Variants in GALNTL6 observed in about 807,000 individuals in gnomAD.
GALNTL6 encodes the protein polypeptide N-acetylgalactosaminyltransferase like 6, also known as polypeptide N-acetylgalactosaminyltransferase-like 6.
GALNTL6 carries 46 observed loss-of-function variants against 73.7 expected under a neutral mutation model. That is an observed-to-expected ratio of 0.62 (90% CI 0.49 to 0.80). The LOEUF (loss-of-function observed/expected upper bound fraction) is 0.80, where lower values mean the gene tolerates loss of function less well. Ranked by LOEUF, GALNTL6 falls within the 30% of genes least tolerant of loss-of-function variation. GALNTL6 has a pLI of 0.00. For missense variants in GALNTL6, 604 were observed against 755.0 expected, an observed-to-expected ratio of 0.80 and a Z score of 2.34; for synonymous variants, 259 against 263.7, an observed-to-expected ratio of 0.98 and a Z score of 0.17.
chr4:172,416,030 T>C (rs1214669079), intron 5 of GALNTL6, among the ~76,000 whole-genome samples: 2 of 152,124 alleles, frequency 1.3e-5, no homozygotes, highest in Admixed American at 1.3e-4. Context: ...CATAAGACAA[T>C]ATGAGGGGTG....
chr4:172,376,519 G>T (rs930427231), intron 5 of GALNTL6, among the ~76,000 whole-genome samples: 20 of 152,298 alleles, frequency 1.3e-4, no homozygotes, highest in Non-Finnish European at 1.5e-4. Context: ...CGAAGAGTCA[G>T]GGGTTGTTAG....
intron 5 of GALNTL6, among the ~76,000 whole-genome samples, chr4:172,531,198 G>C (rs1735158348): frequency 6.6e-6 from 1 of 152,174 alleles, no homozygotes; most frequent in African/African-American, 2.4e-5. Context: ...GCAGCTGTCT[G>C]AGACTAATTC....
chr4:172,705,220 T>TTG (rs1553975286), intron 5 of GALNTL6, among the ~76,000 whole-genome samples: 2,038 of 151,018 alleles, frequency 0.013, 45 homozygotes, highest in African/African-American at 0.046. Flanking sequence ...GCTATTTTTT[T>TTG]TTTGTTTTAT....
At chr4:172,830,851 T>C (rs1315890105) in intron 7 of GALNTL6, among the ~76,000 whole-genome samples, 1 of 152,042 alleles carries the variant, frequency 6.6e-6, no homozygotes, top group Non-Finnish European at 1.5e-5. Flanking sequence ...CTAAAGTAGA[T>C]ATGAACAGAA....
At chr4:172,169,565 GT>G (rs924092591) in intron 2 of GALNTL6, among the ~76,000 whole-genome samples, 2 of 151,598 alleles carry the variant, frequency 1.3e-5, no homozygotes, top group African/African-American at 4.8e-5. Context: ...TCACTTTTGG[GT>G]TTTTTTTAAA....
At chr4:172,063,416 G>T (rs1731265635) in intron 2 of GALNTL6, among the ~76,000 whole-genome samples, 1 of 152,018 alleles carries the variant, frequency 6.6e-6, no homozygotes, top group Admixed American at 6.6e-5. Context: ...GAATATTACA[G>T]ATTTTTCCCT....
chr4:171,834,109 G>A (rs947228642), intron 2 of GALNTL6, among the ~76,000 whole-genome samples: 5 of 151,770 alleles, frequency 3.3e-5, no homozygotes, highest in African/African-American at 1.2e-4. Flanking sequence ...GATAACATTT[G>A]GAAACCTGTT....
chr4:171,960,205 T>C (rs1438273870), intron 2 of GALNTL6, among the ~76,000 whole-genome samples: 1 of 152,184 alleles, frequency 6.6e-6, no homozygotes, highest in African/African-American at 2.4e-5. Flanking sequence ...AGGGACACAA[T>C]ATTAGAGTCA....
Position 172,224,600 on chromosome 4 carries a change from C to T in GALNTL6, c.139-5056C>T, listed in dbSNP as rs549269029. On this transcript the variant is annotated intron_variant, in intron 2 of 12. Transcript: ENST00000506823. ...AAAGAAACAAAGTTTTTTGATTCAC[C>T]AGGGATTTCCAGACCAACAGCCCTT... Among the ~76,000 whole-genome samples, 5 of 152,122 alleles carry T rather than the reference C, an allele frequency of 3.3e-5. No homozygotes were observed. In the East Asian group the frequency reaches 9.7e-4, roughly 29 times the overall value.
At chr4:172,990,969 CT>C (rs956516652) in intron 10 of GALNTL6, among the ~76,000 whole-genome samples, 34 of 152,106 alleles carry the variant, frequency 2.2e-4, no homozygotes, top group Admixed American at 2.2e-3. Context: ...GAATATGTCC[CT>C]TTTTGGAATT....
At chr4:172,886,078 CCCT>C (rs1745705528) in intron 8 of GALNTL6, among the ~76,000 whole-genome samples, 1 of 152,070 alleles carries the variant, frequency 6.6e-6, no homozygotes, top group South Asian at 2.1e-4. Flanking sequence ...TGGAAGAATT[CCCT>C]CCTCTTCAAT....
intron 10 of GALNTL6, among the ~76,000 whole-genome samples, chr4:173,003,239 T>C (rs1210057387): frequency 6.6e-6 from 1 of 152,174 alleles, no homozygotes; most frequent in African/African-American, 2.4e-5. Flanking sequence ...TACCTAGGAC[T>C]AGAATCAGCA....
At chr4:171,842,106 C>T (rs182749066) in intron 2 of GALNTL6, among the ~76,000 whole-genome samples, 26 of 152,110 alleles carry the variant, frequency 1.7e-4, no homozygotes, top group South Asian at 1.2e-3. Flanking sequence ...ACGTACCTTT[C>T]GGTTTTGTCA....
rs1734558512 is a variant in GALNTL6, at chr4:172,515,142, T to C, written c.553+166453T>C. ...ATGTAGATGTACAAAGTTGTAATTA[T>C]TTCTTTACAGTTGCACCCAACTTAG... On this transcript the variant is annotated intron_variant, in intron 5 of 12. Coordinates refer to ENST00000506823, the MANE Select transcript of GALNTL6 (RefSeq NM_001034845.3). Among the ~76,000 whole-genome samples the C allele has an allele frequency of 2.0e-5, 3 of 152,248 alleles. No homozygotes were observed. In the South Asian group the frequency reaches 6.2e-4, roughly 31 times the overall value.
chr4:172,774,098 T>G (rs1738931899), intron 5 of GALNTL6, among the ~76,000 whole-genome samples: 1 of 152,228 alleles, frequency 6.6e-6, no homozygotes, highest in South Asian at 2.1e-4. Context: ...AGCGAATTCA[T>G]TTTTGCACAA....
At chr4:172,651,148 A>G (rs955168421) in intron 5 of GALNTL6, among the ~76,000 whole-genome samples, 1 of 152,214 alleles carries the variant, frequency 6.6e-6, no homozygotes, top group African/African-American at 2.4e-5. Flanking sequence ...CATCCACTGG[A>G]TTCCAGGCCT....
chr4:172,391,684 A>G (rs1300025074), intron 5 of GALNTL6, among the ~76,000 whole-genome samples: 1 of 115,088 alleles, frequency 8.7e-6, no homozygotes, highest in African/African-American at 3.4e-5. Flanking sequence ...TTCTGGTGAC[A>G]TTGGGTGACA....
At chr4:172,292,393 A>G (rs1739506600) in intron 3 of GALNTL6, among the ~76,000 whole-genome samples, 1 of 152,174 alleles carries the variant, frequency 6.6e-6, no homozygotes, top group Non-Finnish European at 1.5e-5. Flanking sequence ...ATGACTTCCA[A>G]GGTTTCCAAG....
At chr4:172,228,436 A>G (rs1209902829) in intron 2 of GALNTL6, among the ~76,000 whole-genome samples, 1 of 152,114 alleles carries the variant, frequency 6.6e-6, no homozygotes, top group Non-Finnish European at 1.5e-5. Flanking sequence ...TTTTTTAAGA[A>G]AAGAATATTA....
Sources: allele counts gnomAD v4.1 joint callset (sites outside exome capture counted in the v4.1 genomes callset), GRCh38; gene constraint gnomAD v4.1.1; transcripts MANE v1.5; gene names NCBI Gene and HGNC (gene_info 2026-07-23, HGNC 2026-07-21).